Variants in EPHA6 observed in about 807,000 individuals in gnomAD.
The protein encoded by EPHA6 is EPH receptor A6, also known as ephrin type-A receptor 6.
In EPHA6, 50 loss-of-function variants were observed where a neutral mutation model predicts 112.0. That is an observed-to-expected ratio of 0.45 (90% CI 0.36 to 0.56). The LOEUF (loss-of-function observed/expected upper bound fraction) is 0.56, where lower values mean the gene tolerates loss of function less well. Among genes scored for constraint, EPHA6 ranks in the 20% least tolerant of loss-of-function variants. EPHA6 has a pLI of 0.00. For synonymous variants in EPHA6, 529 were observed against 490.7 expected, an observed-to-expected ratio of 1.08 and a Z score of -1.03; for missense variants, 1,280 against 1,417.4, an observed-to-expected ratio of 0.90 and a Z score of 1.56.
intron 10 of EPHA6, among the ~76,000 whole-genome samples, chr3:97,495,924 G>A (rs542749000): frequency 6.6e-5 from 10 of 152,196 alleles, no homozygotes; most frequent in African/African-American, 2.4e-4. Context: ...TTTTTCCCTG[G>A]ACTGTAAATA....
chr3:97,540,575 C>T (rs970055840), intron 11 of EPHA6, among the ~76,000 whole-genome samples: 2 of 152,114 alleles, frequency 1.3e-5, no homozygotes, highest in African/African-American at 4.8e-5. Context: ...CTAGAATTAC[C>T]TCTAACCTAT....
chr3:97,642,941 C>T (rs1439374790), intron 14 of EPHA6, among the ~76,000 whole-genome samples: 12 of 148,344 alleles, frequency 8.1e-5, no homozygotes, highest in African/African-American at 1.2e-4. Context: ...ATACAGAGAA[C>T]GCCACAAAGA....
intron 5 of EPHA6, among the ~76,000 whole-genome samples, chr3:97,306,970 T>C (rs2081347523): frequency 6.6e-6 from 1 of 151,856 alleles, no homozygotes; most frequent in African/African-American, 2.4e-5. Flanking sequence ...GTATTGATTT[T>C]ATTTCCCTCC....
chr3:97,691,113 G>T (rs1001804363), intron 14 of EPHA6, among the ~76,000 whole-genome samples: 1 of 152,124 alleles, frequency 6.6e-6, no homozygotes, highest in Non-Finnish European at 1.5e-5. Flanking sequence ...ATTAATTCTT[G>T]CATATGGTAT....
intron 3 of EPHA6, among the ~76,000 whole-genome samples, chr3:97,130,433 CATGTTA>C (rs551957991): frequency 1.4e-3 from 208 of 152,128 alleles, no homozygotes; most frequent in Middle Eastern, 3.4e-3. Flanking sequence ...TTTATAGGAT[CATGTTA>C]ATGATTTTGT....
intron 6 of EPHA6, among the ~76,000 whole-genome samples, chr3:97,443,158 T>C (rs2090196780): frequency 6.6e-6 from 1 of 152,080 alleles, no homozygotes; most frequent in Non-Finnish European, 1.5e-5. Flanking sequence ...AATGTGAGTG[T>C]GTACATTTGT....
intron 12 of EPHA6, among the ~76,000 whole-genome samples, chr3:97,604,502 T>C (rs1326224624): frequency 6.6e-6 from 1 of 151,710 alleles, no homozygotes; most frequent in African/African-American, 2.4e-5. Flanking sequence ...AATTTTCTAT[T>C]TTTTTAAAAC....
chr3:97,236,119 T>C (rs1386933969), intron 4 of EPHA6, among the ~76,000 whole-genome samples: 1 of 151,910 alleles, frequency 6.6e-6, no homozygotes, highest in African/African-American at 2.4e-5. Flanking sequence ...TATCAGGTCT[T>C]GGTCAATTAG....
intron 5 of EPHA6, among the ~76,000 whole-genome samples, chr3:97,318,118 A>G (rs561412719): frequency 7.2e-5 from 11 of 152,118 alleles, no homozygotes; most frequent in African/African-American, 2.7e-4. Flanking sequence ...CTATAGAGGG[A>G]TCACAGGCTG....
intron 10 of EPHA6, among the ~76,000 whole-genome samples, chr3:97,512,534 A>G (rs2092383772): frequency 6.6e-6 from 1 of 152,116 alleles, no homozygotes; most frequent in Admixed American, 6.6e-5. Context: ...AGACGTGGCT[A>G]TCTAAACACA....
At chr3:97,297,045 T>C (rs2080897592) in intron 5 of EPHA6, among the ~76,000 whole-genome samples, 1 of 152,168 alleles carries the variant, frequency 6.6e-6, no homozygotes, top group Admixed American at 6.5e-5. Flanking sequence ...CAGCATGAAC[T>C]CTCTCTTTGG....
At chr3:96,871,113 T>C (rs1467366301) in intron 2 of EPHA6, among the ~76,000 whole-genome samples, 1 of 152,072 alleles carries the variant, frequency 6.6e-6, no homozygotes, top group East Asian at 1.9e-4. Context: ...TATATGGTAA[T>C]GTTCTAAACA....
chr3:97,611,517 T>A (rs2093720215), intron 13 of EPHA6, among the ~76,000 whole-genome samples: 1 of 152,060 alleles, frequency 6.6e-6, no homozygotes, highest in East Asian at 1.9e-4. Flanking sequence ...ATATTTATAA[T>A]ACATTTAAGA....
chr3:97,645,997 G>T, intron 14 of EPHA6: 1 of 619,520 alleles, frequency 1.6e-6, no homozygotes, highest in Non-Finnish European at 2.5e-6. Flanking sequence ...TTGTTGGGGA[G>T]AGGTTTGTAA....
intron 14 of EPHA6, among the ~76,000 whole-genome samples, chr3:97,716,507 G>T (rs1318046935): frequency 8.1e-6 from 1 of 123,590 alleles, no homozygotes; most frequent in Non-Finnish European, 1.5e-5. Flanking sequence ...AGCGGAGCTT[G>T]CAGTGAGCCG....
intron 14 of EPHA6, among the ~76,000 whole-genome samples, chr3:97,716,685 T>A (rs187918134): frequency 1.3e-5 from 2 of 152,054 alleles, no homozygotes; most frequent in Admixed American, 1.3e-4. Context: ...TTCTGCCTCA[T>A]CTTGCAATTA....
chr3:96,931,896 T>C (rs1469395128), intron 2 of EPHA6, among the ~76,000 whole-genome samples: 1 of 152,162 alleles, frequency 6.6e-6, no homozygotes, highest in African/African-American at 2.4e-5. Flanking sequence ...TTGAGGATCC[T>C]AGAGCCAGAG....
At chr3:97,479,427 C>A in intron 9 of EPHA6, 63 bp downstream of exon 9, 1 of 1,092,184 alleles carries the variant, frequency 9.2e-7, no homozygotes, top group South Asian at 1.7e-5. Flanking sequence ...GGAGTTCATT[C>A]AAACTGTATC....
chr3:97,677,331 T>TA (rs1313610525), intron 14 of EPHA6, among the ~76,000 whole-genome samples: 1 of 152,198 alleles, frequency 6.6e-6, no homozygotes, highest in Non-Finnish European at 1.5e-5. Context: ...TTTCTGTTTT[T>TA]AATGTGCTTG....
Sources: allele counts gnomAD v4.1 joint callset (sites outside exome capture counted in the v4.1 genomes callset), GRCh38; gene constraint gnomAD v4.1.1; transcripts MANE v1.5; gene names NCBI Gene and HGNC (gene_info 2026-07-23, HGNC 2026-07-21).